TMEM169: variants seen among roughly 807,000 people sequenced by gnomAD.
TMEM169 encodes the protein transmembrane protein 169.
A neutral mutation model predicts 27.3 loss-of-function variants in TMEM169; 18 were observed. The observed-to-expected ratio is 0.66, with a 90% confidence interval of 0.46 to 0.98. The LOEUF (loss-of-function observed/expected upper bound fraction) is 0.98. TMEM169 is among the 50% of genes least tolerant of loss of function. The pLI is 0.00. For missense variants in TMEM169, 320 were observed against 368.6 expected (o/e 0.87, Z 1.08); for synonymous variants, 136 against 142.1 (o/e 0.96, Z 0.30).
Position 216,100,074 on chromosome 2 carries a change from G to C in TMEM169, c.426G>C (p.Thr142=). The C allele has an allele frequency of 6.2e-7, 1 of 1,614,164 alleles. No individual in the cohort carries two copies. Among genetic ancestry groups the C allele is most frequent in the Non-Finnish European group, 8.5e-7 (1 of 1,180,030 alleles). The change falls in exon 3 of 3, where the codon ACG becomes ACC. Residue 142 remains threonine, a synonymous_variant. Transcript: ENST00000437356. ...LTKPKESSRE[T]TPEGRMACQM... The stretch of plus-strand genomic sequence containing the variant: ...AACCTAAAGAGTCATCAAGGGAAAC[G>C]ACGCCTGAAGGAAGAATGGCCTGCC...
intron 2 of TMEM169, among the ~76,000 whole-genome samples, chr2:216,097,839 G>C (rs145915673): frequency 6.6e-6 from 1 of 152,130 alleles, no homozygotes; most frequent in Non-Finnish European, 1.5e-5. Flanking sequence ...GGAAGGTGGT[G>C]GGGGAGAGAC....
At position 216,100,191 on chromosome 2, in the gene TMEM169, C is replaced by T; in HGVS notation, c.543C>T (p.Tyr181=). The T allele has an allele frequency of 6.2e-7, 1 of 1,613,986 alleles. No homozygotes were observed. The highest frequency in any genetic ancestry group is 8.5e-7 in the Non-Finnish European group (1 of 1,180,020). The change falls in exon 3 of 3, where the codon TAC becomes TAT. Residue 181 remains tyrosine, a synonymous_variant. Transcript: ENST00000437356. The part of the protein sequence containing the change: ...VFILSFVVSF[Y]YGTITWYNIF... ...TCCTTTCTTTTGTTGTCTCTTTCTACTACGGCACTATCACCTGGTACAACA... is the reference window on the plus strand; with the variant it reads ...TCCTTTCTTTTGTTGTCTCTTTCTATTACGGCACTATCACCTGGTACAACA...
At chr2:216,094,550 C>T (rs1414596843) in intron 1 of TMEM169, among the ~76,000 whole-genome samples, 1 of 152,112 alleles carries the variant, frequency 6.6e-6, no homozygotes, top group Admixed American at 6.6e-5. Context: ...CATTAGGGGA[C>T]TTCTAATGGA....
chr2:216,088,157 C>CA (rs1408492038), intron 1 of TMEM169, among the ~76,000 whole-genome samples: 8,844 of 117,750 alleles, frequency 0.075, 777 homozygotes, highest in African/African-American at 0.23. Flanking sequence ...GACTCTGTCT[C>CA]AAAAAAAAAA....
Position 216,081,974 on chromosome 2 carries a change from G to T in TMEM169, c.-132G>T. The T allele has an allele frequency of 1.8e-6, 1 of 545,818 alleles. No individual in the cohort carries two copies. 33.8% of individuals were successfully genotyped at this position (545,818 alleles called of 1,614,324 possible). On this transcript the variant is annotated 5_prime_UTR_variant, in exon 1 of 3. Transcript: ENST00000437356. ...TCCGCCAGCGTCGGTCCCTGGGCAG[G>T]TGTGGGTGAGACTGCTCGTTCGTTT...
chr2:216,083,921 G>C (rs538457981), intron 1 of TMEM169, among the ~76,000 whole-genome samples: 2 of 152,332 alleles, frequency 1.3e-5, no homozygotes, highest in African/African-American at 4.8e-5. Flanking sequence ...TCTGCTGCTT[G>C]GAAGCTCTTT....
intron 1 of TMEM169, among the ~76,000 whole-genome samples, chr2:216,091,199 C>T (rs566638248): frequency 6.6e-6 from 1 of 152,210 alleles, no homozygotes; most frequent in South Asian, 2.1e-4. Flanking sequence ...TTTCAGCCCC[C>T]AAAGTGATGG....
rs550624341 is a variant in TMEM169 at position 216,097,546 on chromosome 2, G to A, written c.271+1312G>A. On this transcript the variant is annotated intron_variant, in intron 2 of 2. Transcript: ENST00000437356. ...GTCGAAATCCTGCCACTGCACTCCAGCCTGGGTGACAGAGCAAGACAACAT... is the reference window on the plus strand; with the variant it reads ...GTCGAAATCCTGCCACTGCACTCCAACCTGGGTGACAGAGCAAGACAACAT... Among the ~76,000 whole-genome samples the A allele has an allele frequency of 2.0e-5, 3 of 152,224 alleles. No individual in the cohort carries two copies. The East Asian group carries it at 5.8e-4, about 29-fold the overall frequency.
In TMEM169 at chr2:216,101,922, T is replaced by A. The variant is rs765136371; in HGVS notation, c.*1380T>A. 6.6e-6 allele frequency: 1 copy of A among 152,238 alleles called. No homozygotes were observed. Among genetic ancestry groups the A allele is most frequent in the Non-Finnish European group, 1.5e-5 (1 of 68,048 alleles). 9.4% of individuals were successfully genotyped at this position (152,238 alleles called of 1,614,324 possible). ...TTAGGCCTGAATCTTACACAGAGAA[T>A]TTATATATAGATATTAGCTACATAT... On this transcript the variant is annotated 3_prime_UTR_variant, in exon 3 of 3. Coordinates refer to ENST00000437356, the MANE Select transcript of TMEM169 (RefSeq NM_001142311.2).
rs895326653 is a variant in TMEM169 at position 216,101,491 on chromosome 2, G to C, written c.*949G>C. 6.6e-6 allele frequency: 1 copy of C among 152,232 alleles called. No individual in the cohort carries two copies. The highest frequency in any genetic ancestry group is 6.5e-5 in the Admixed American group (1 of 15,270). The allele number at this position is 152,232 out of a possible 1,614,324, so 9.4% of individuals were successfully genotyped here. ...GTTTTGTTTTGTTTTGTTTTGTTTC[G>C]CTTTAGAGACGGAGTCTCACTCTGT... On this transcript the variant is annotated 3_prime_UTR_variant, in exon 3 of 3. Coordinates refer to ENST00000437356, the MANE Select transcript of TMEM169 (RefSeq NM_001142311.2).
At chr2:216,086,521 G>A (rs1397966848) in intron 1 of TMEM169, among the ~76,000 whole-genome samples, 1 of 152,192 alleles carries the variant, frequency 6.6e-6, no homozygotes, top group Non-Finnish European at 1.5e-5. Context: ...AAATCTAAAA[G>A]GAAGGAGAAA....
chr2:216,090,346 C>G (rs1447290366), intron 1 of TMEM169, among the ~76,000 whole-genome samples: 1 of 152,126 alleles, frequency 6.6e-6, no homozygotes, highest in Non-Finnish European at 1.5e-5. Flanking sequence ...GTTTTCAGAC[C>G]ACTCATGCTG....
At position 216,102,079 on chromosome 2, in the gene TMEM169, T is replaced by G. The variant is rs1178167107; in HGVS notation, c.*1537T>G. 1 of 152,174 alleles carries G rather than the reference T, an allele frequency of 6.6e-6. No homozygotes were observed. Among genetic ancestry groups the G allele is most frequent in the Admixed American group, 6.5e-5 (1 of 15,278 alleles). 9.4% of individuals were successfully genotyped at this position (152,174 alleles called of 1,614,324 possible). On this transcript the variant is annotated 3_prime_UTR_variant, in exon 3 of 3. Transcript: ENST00000437356. ...ACAATTTATAATAGTAGCATAACTC[T>G]TTGTCCTGGTGGTGGAGGTGGGACG...
rs776636273 is a variant in TMEM169 at position 216,101,080 on chromosome 2, T to C, written c.*538T>C. The C allele has an allele frequency of 1.2e-4, 21 of 169,820 alleles. No individual in the cohort carries two copies. Among genetic ancestry groups the C allele is most frequent in the Admixed American group, 2.2e-4 (4 of 18,540 alleles). 10.5% of individuals were successfully genotyped at this position (169,820 alleles called of 1,614,324 possible). A position where few individuals can be genotyped will look rare whatever the true frequency, so the allele number is the denominator to read the frequency against. On this transcript the variant is annotated 3_prime_UTR_variant, in exon 3 of 3. Coordinates refer to ENST00000437356, the MANE Select transcript of TMEM169 (RefSeq NM_001142311.2). ...ACAAGATAGAAGTGTATTTCTTTCT[T>C]GTGCAGAAGAAGTCTGGAGGCAGAC...
chr2:216,086,192 G>A (rs764532387), intron 1 of TMEM169, among the ~76,000 whole-genome samples: 1 of 152,054 alleles, frequency 6.6e-6, no homozygotes, highest in Non-Finnish European at 1.5e-5. Flanking sequence ...AGCCTCCGGA[G>A]TAGCTGAGAT....
At position 216,101,520 on chromosome 2, in the gene TMEM169, C is replaced by T. The variant is rs572607709; in HGVS notation, c.*978C>T. On this transcript the variant is annotated 3_prime_UTR_variant, in exon 3 of 3. Coordinates refer to ENST00000437356, the MANE Select transcript of TMEM169 (RefSeq NM_001142311.2). Reference sequence around the variant, plus strand: ...TAGAGACGGAGTCTCACTCTGTTGCCGAGGCTGGAGTGCAGTGGCACTATC... The same window carrying T: ...TAGAGACGGAGTCTCACTCTGTTGCTGAGGCTGGAGTGCAGTGGCACTATC... The T allele has an allele frequency of 1.2e-3, 184 of 152,408 alleles. No homozygotes were observed. Among genetic ancestry groups the T allele is most frequent in the Middle Eastern group, 3.4e-3 (1 of 294 alleles). 9.4% of individuals were successfully genotyped at this position (152,408 alleles called of 1,614,324 possible). A position where few individuals can be genotyped will look rare whatever the true frequency, so the allele number is the denominator to read the frequency against.
At chr2:216,092,684 T>C (rs1696161079) in intron 1 of TMEM169, among the ~76,000 whole-genome samples, 1 of 152,224 alleles carries the variant, frequency 6.6e-6, no homozygotes, top group Non-Finnish European at 1.5e-5. Flanking sequence ...AACATAAACC[T>C]TCTCCCAGCT....
chr2:216,092,954 G>C (rs185266073), intron 1 of TMEM169, among the ~76,000 whole-genome samples: 1 of 152,272 alleles, frequency 6.6e-6, no homozygotes, highest in East Asian at 1.9e-4. Flanking sequence ...CTGAGTGTCA[G>C]TGTATAAGAG....
In TMEM169 at chr2:216,100,216, A is replaced by G; in HGVS notation, c.568A>G (p.Ile190Val). The change falls in exon 3 of 3, where the codon ATC becomes GTC. Residue 190 changes from isoleucine (I) to valine (V), a missense_variant. Physicochemically the swap from Ile to Val is conservative, Grantham distance 29. Coordinates refer to ENST00000437356, the MANE Select transcript of TMEM169 (RefSeq NM_001142311.2). Reference sequence around the variant, plus strand: ...CTACGGCACTATCACCTGGTACAACATCTTCCTCGTGTATAATGAGGAAAG... The same window carrying G: ...CTACGGCACTATCACCTGGTACAACGTCTTCCTCGTGTATAATGAGGAAAG... ...FYYGTITWYNIFLVYNEERTF... is the reference protein window; with the variant it reads ...FYYGTITWYNVFLVYNEERTF... 4 of 1,612,250 alleles carry G rather than the reference A, an allele frequency of 2.5e-6. No individual in the cohort carries two copies. Among genetic ancestry groups the G allele is most frequent in the Non-Finnish European group, 2.5e-6 (3 of 1,179,818 alleles).
Sources: allele counts gnomAD v4.1 joint callset (sites outside exome capture counted in the v4.1 genomes callset), GRCh38; gene constraint gnomAD v4.1.1; transcripts MANE v1.5; gene names NCBI Gene and HGNC (gene_info 2026-07-23, HGNC 2026-07-21).